The following GNG4 variants were observed in gnomAD, a reference collection of about 807,000 sequenced individuals.
GNG4 encodes the protein guanine nucleotide-binding protein G(I)/G(S)/G(O) subunit gamma-4.
In GNG4, 4 loss-of-function variants were observed where a neutral mutation model predicts 5.8. That is an observed-to-expected ratio of 0.69 (90% CI 0.34 to 1.57). GNG4 has a LOEUF of 1.57. Among genes scored for constraint, GNG4 ranks in the 40% most tolerant of loss-of-function variants. The probability of loss-of-function intolerance (pLI) is 0.06; values close to 1 mark genes in which losing one functional copy is unlikely to be tolerated. For missense variants in GNG4, 96 were observed against 95.1 expected (o/e 1.01, Z -0.04); for synonymous variants, 29 against 32.9 (o/e 0.88, Z 0.41).
chr1:235,596,219 C>A (rs879740499), intron 1 of GNG4, among the ~76,000 whole-genome samples: 193 of 146,136 alleles, frequency 1.3e-3, no homozygotes, highest in South Asian at 8.8e-3. Context: ...TACACACACA[C>A]ACACACACAC....
At chr1:235,562,192 T>C (rs1687081014) in intron 3 of GNG4, among the ~76,000 whole-genome samples, 1 of 152,224 alleles carries the variant, frequency 6.6e-6, no homozygotes, top group South Asian at 2.1e-4. Flanking sequence ...CAATACCACA[T>C]TGTCTTAATT....
At chr1:235,604,696 A>T (rs1688323678) in intron 1 of GNG4, among the ~76,000 whole-genome samples, 1 of 152,150 alleles carries the variant, frequency 6.6e-6, no homozygotes, top group Non-Finnish European at 1.5e-5. Flanking sequence ...ATCCAGTATG[A>T]CCTCAACTTA....
At chr1:235,640,786 G>A (rs548334338) in intron 1 of GNG4, among the ~76,000 whole-genome samples, 3 of 152,226 alleles carry the variant, frequency 2.0e-5, no homozygotes, top group Admixed American at 1.3e-4. Flanking sequence ...CAAATTGCCC[G>A]GTGGGCCAGA....
At position 235,583,846 on chromosome 1, in the gene GNG4, C is replaced by T. The variant is rs1687701912; in HGVS notation, c.-8G>A. ...AGACATGCCCTCTTTCATTCTACTGCCCCTAGAAGTAACCAAAGTAAAAGG... is the reference window on the plus strand; with the variant it reads ...AGACATGCCCTCTTTCATTCTACTGTCCCTAGAAGTAACCAAAGTAAAAGG... On this transcript the variant is annotated splice_region_variant and 5_prime_UTR_variant, in exon 3 of 4. Coordinates refer to ENST00000391854, the MANE Select transcript of GNG4 (RefSeq NM_001098722.2). 6.2e-7 allele frequency: 1 copy of T among 1,600,196 alleles called. No homozygotes were observed. The highest frequency in any genetic ancestry group is 1.7e-5 in the Admixed American group (1 of 59,938).
At chr1:235,618,686 C>T (rs1688648323) in intron 1 of GNG4, among the ~76,000 whole-genome samples, 2 of 150,210 alleles carry the variant, frequency 1.3e-5, no homozygotes, top group Admixed American at 6.6e-5. Context: ...GACAGAGTCT[C>T]ACTCTGTCAC....
Position 235,552,065 on chromosome 1 carries a change from G to C in GNG4, c.*44C>G, listed in dbSNP as rs1235939867. 2 of 1,594,840 alleles carry C rather than the reference G, an allele frequency of 1.3e-6. No homozygotes were observed. Among genetic ancestry groups the C allele is most frequent in the Middle Eastern group, 1.7e-4 (1 of 6,016 alleles). ...TAGAGCATGCATGGTCTCTACAGGG[G>C]ACTTTGAAGGTCAGAAAAGGAGGCG... On this transcript the variant is annotated 3_prime_UTR_variant, in exon 4 of 4. Transcript: ENST00000391854.
intron 1 of GNG4, among the ~76,000 whole-genome samples, chr1:235,624,225 C>G (rs370064374): frequency 1.3e-5 from 2 of 152,110 alleles, no homozygotes; most frequent in South Asian, 2.1e-4. Context: ...GCCTCAGCCC[C>G]CCGAGTAGCT....
intron 1 of GNG4, among the ~76,000 whole-genome samples, chr1:235,601,644 T>G: frequency 6.6e-6 from 1 of 152,150 alleles, no homozygotes. Context: ...AATGTCATGG[T>G]GACAGGGCAG....
chr1:235,590,814 T>C (rs1687941129), intron 2 of GNG4, among the ~76,000 whole-genome samples: 1 of 152,224 alleles, frequency 6.6e-6, no homozygotes, highest in African/African-American at 2.4e-5. Context: ...CTGCTGGCTG[T>C]GAGCCACTTC....
At position 235,638,834 on chromosome 1, in the gene GNG4, C is replaced by A. The variant is rs1039869006; in HGVS notation, c.-123+10828G>T. Among the ~76,000 whole-genome samples the A allele has an allele frequency of 5.3e-5, 8 of 151,894 alleles. 1 individual carries two copies. In the East Asian group the frequency reaches 1.4e-3, roughly 26 times the overall value. ...TCCATGTCCCTGCAAAGGACATGAA[C>A]TCATTCTTTTTTATGGCTGCATAGT... On this transcript the variant is annotated intron_variant, in intron 1 of 3. Transcript: ENST00000391854.
chr1:235,617,068 T>A (rs887672488), intron 1 of GNG4, among the ~76,000 whole-genome samples: 1 of 152,034 alleles, frequency 6.6e-6, no homozygotes, highest in Non-Finnish European at 1.5e-5. Flanking sequence ...AGATTTTGAA[T>A]CCTTTACCTG....
chr1:235,606,781 G>A (rs1688369386), intron 1 of GNG4, among the ~76,000 whole-genome samples: 1 of 151,996 alleles, frequency 6.6e-6, no homozygotes, highest in African/African-American at 2.4e-5. Flanking sequence ...GGCTGTGGGA[G>A]GCTCATGGGC....
At chr1:235,601,413 G>A (rs952757027) in intron 1 of GNG4, among the ~76,000 whole-genome samples, 1 of 151,982 alleles carries the variant, frequency 6.6e-6, no homozygotes, top group Non-Finnish European at 1.5e-5. Flanking sequence ...TATGAGGGAG[G>A]CGCCCGGCTC....
At chr1:235,635,046 G>A (rs1046079697) in intron 1 of GNG4, among the ~76,000 whole-genome samples, 1 of 152,192 alleles carries the variant, frequency 6.6e-6, no homozygotes, top group African/African-American at 2.4e-5. Flanking sequence ...TTTAGAAAAT[G>A]TACCAGAACA....
chr1:235,578,757 C>A (rs1013323088), intron 3 of GNG4, among the ~76,000 whole-genome samples: 1 of 151,990 alleles, frequency 6.6e-6, no homozygotes. Context: ...ATGGTGGCTA[C>A]CTGAGGCTGT....
At chr1:235,623,571 C>A (rs1688751652) in intron 1 of GNG4, among the ~76,000 whole-genome samples, 1 of 152,176 alleles carries the variant, frequency 6.6e-6, no homozygotes, top group South Asian at 2.1e-4. Context: ...AGCGGGCTTG[C>A]TCCATCCTGG....
intron 3 of GNG4, among the ~76,000 whole-genome samples, chr1:235,562,674 A>AAAAAAAAAAAAAAAAAAAAAAAAAAG (rs1687098283): frequency 8.3e-6 from 1 of 120,536 alleles, no homozygotes; most frequent in African/African-American, 3.6e-5. Context: ...AAAAAAAAAG[A>AAAAAAAAAAAAAAAAAAAAAAAAAAG]AAAAAAAAAA....
intron 1 of GNG4, among the ~76,000 whole-genome samples, chr1:235,596,757 G>C (rs1189817473): frequency 6.6e-6 from 1 of 151,878 alleles, no homozygotes; most frequent in African/African-American, 2.4e-5. Flanking sequence ...ATAGGGTCTC[G>C]CTTCGTTGCC....
At position 235,587,614 on chromosome 1, in the gene GNG4, G is replaced by GT. The variant is rs1558486374; in HGVS notation, c.-10-3767_-10-3766insA. 6.1e-4 allele frequency among the ~76,000 whole-genome samples: 64 copies of GT among 105,746 alleles called. 1 individual carries two copies. Among genetic ancestry groups the GT allele is most frequent in the African/African-American group, 7.3e-4 (20 of 27,526 alleles). The allele number at this position is 105,746 out of a possible 152,430, so 69.4% of individuals were successfully genotyped here. The stretch of plus-strand genomic sequence containing the variant: ...GTGAGTGTGGGAGGGCATGGGGTGG[G>GT]GTGTGTGAATGTGGGGTGGAGTGTG... On this transcript the variant is annotated intron_variant, in intron 2 of 3. Coordinates refer to ENST00000391854, the MANE Select transcript of GNG4 (RefSeq NM_001098722.2).
Sources: allele counts gnomAD v4.1 joint callset (sites outside exome capture counted in the v4.1 genomes callset), GRCh38; gene constraint gnomAD v4.1.1; transcripts MANE v1.5; gene names NCBI Gene and HGNC (gene_info 2026-07-23, HGNC 2026-07-21).